The following SLC24A3 variants were observed in gnomAD, a reference collection of about 807,000 sequenced individuals.
The protein encoded by SLC24A3 is solute carrier family 24 member 3, also known as sodium/potassium/calcium exchanger 3.
SLC24A3 carries 28 observed loss-of-function variants against 75.8 expected under a neutral mutation model. That is an observed-to-expected ratio of 0.37 (90% confidence interval 0.27 to 0.51). The LOEUF (loss-of-function observed/expected upper bound fraction) is 0.51. SLC24A3 is among the 20% of genes least tolerant of loss of function. SLC24A3 has a pLI of 0.94. For synonymous variants in SLC24A3, 372 were observed against 334.1 expected (o/e 1.11, Z -1.24); for missense variants, 663 against 847.8 (o/e 0.78, Z 2.71).
At chr20:19,574,406 T>C (rs1244611865) in intron 3 of SLC24A3, among the ~76,000 whole-genome samples, 1 of 152,230 alleles carries the variant, frequency 6.6e-6, no homozygotes, top group African/African-American at 2.4e-5. Flanking sequence ...GCATAACAAA[T>C]GGCCTCACAA....
chr20:19,569,118 C>T (rs1476008891), intron 3 of SLC24A3, among the ~76,000 whole-genome samples: 2 of 152,140 alleles, frequency 1.3e-5, no homozygotes, highest in African/African-American at 4.8e-5. Context: ...ACCTGTCCAG[C>T]GTAATGGGCC....
chr20:19,410,599 G>A (rs1986726307), intron 2 of SLC24A3, among the ~76,000 whole-genome samples: 1 of 152,096 alleles, frequency 6.6e-6, no homozygotes, highest in African/African-American at 2.4e-5. Context: ...AATAAGCGTG[G>A]TTCTCTCGGG....
intron 4 of SLC24A3, among the ~76,000 whole-genome samples, chr20:19,581,635 C>T (rs2031219962): frequency 6.6e-6 from 1 of 152,188 alleles, no homozygotes; most frequent in African/African-American, 2.4e-5. Flanking sequence ...TGTGGTGTGA[C>T]TATGTCTACC....
chr20:19,502,979 A>G (rs1034057502), intron 2 of SLC24A3, among the ~76,000 whole-genome samples: 7 of 149,946 alleles, frequency 4.7e-5, no homozygotes, highest in African/African-American at 1.7e-4. Context: ...GTGAGCCATG[A>G]TAGTGTTACT....
chr20:19,565,066 A>T (rs1469170639), intron 3 of SLC24A3, among the ~76,000 whole-genome samples: 1 of 152,206 alleles, frequency 6.6e-6, no homozygotes, highest in Admixed American at 6.5e-5. Context: ...TTAGTCTTCC[A>T]AAGTGCTGGG....
At chr20:19,546,933 T>A (rs1228457134) in intron 3 of SLC24A3, among the ~76,000 whole-genome samples, 1 of 152,150 alleles carries the variant, frequency 6.6e-6, no homozygotes, top group Non-Finnish European at 1.5e-5. Context: ...CTGCTTCCAT[T>A]TCTTCAGACA....
At chr20:19,383,407 C>A (rs1356386728) in intron 2 of SLC24A3, among the ~76,000 whole-genome samples, 2 of 151,944 alleles carry the variant, frequency 1.3e-5, no homozygotes, top group Admixed American at 6.6e-5. Flanking sequence ...TACCCCCAGG[C>A]AAAAACCGAA....
chr20:19,451,585 A>G (rs780668605), intron 2 of SLC24A3, among the ~76,000 whole-genome samples: 39 of 152,226 alleles, frequency 2.6e-4, no homozygotes, highest in Admixed American at 2.0e-4. Flanking sequence ...GCAAGAGTGA[A>G]TGAATGAAAG....
At chr20:19,529,145 T>C (rs1342953474) in intron 3 of SLC24A3, among the ~76,000 whole-genome samples, 1 of 152,154 alleles carries the variant, frequency 6.6e-6, no homozygotes. Flanking sequence ...TAAATGTACA[T>C]TTGTATGCAT....
chr20:19,214,247 A>G (rs1981490360), intron 1 of SLC24A3, among the ~76,000 whole-genome samples: 1 of 151,496 alleles, frequency 6.6e-6, no homozygotes, highest in Non-Finnish European at 1.5e-5. Flanking sequence ...GCTGTTCAAG[A>G]CTCCACGGCT....
intron 2 of SLC24A3, among the ~76,000 whole-genome samples, chr20:19,436,970 C>T (rs761928131): frequency 2.6e-4 from 39 of 152,024 alleles, no homozygotes; most frequent in African/African-American, 8.5e-4. Context: ...GGTGTACCCA[C>T]GAAAAGAGAG....
chr20:19,684,369 G>T, intron 11 of SLC24A3, 33 bp downstream of exon 11: 1 of 1,593,454 alleles, frequency 6.3e-7, no homozygotes, highest in Non-Finnish European at 8.6e-7. Context: ...CTGCCCACTG[G>T]ACAGGGGTGG....
chr20:19,215,306 G>C (rs1210089441), intron 1 of SLC24A3, among the ~76,000 whole-genome samples: 2 of 152,072 alleles, frequency 1.3e-5, no homozygotes, highest in Non-Finnish European at 2.9e-5. Flanking sequence ...GTGTAGAGAG[G>C]CTGAGTGATT....
chr20:19,649,766 G>A (rs1024443892), intron 6 of SLC24A3, among the ~76,000 whole-genome samples: 3 of 152,176 alleles, frequency 2.0e-5, no homozygotes, highest in African/African-American at 7.2e-5. Context: ...AAGCATTGTA[G>A]TATAGTGTCT....
intron 2 of SLC24A3, among the ~76,000 whole-genome samples, chr20:19,499,770 A>G (rs1396479820): frequency 2.6e-5 from 4 of 152,194 alleles, no homozygotes; most frequent in African/African-American, 9.7e-5. Flanking sequence ...GTACATATGC[A>G]CACACACATA....
At chr20:19,241,069 C>T (rs1256108731) in intron 1 of SLC24A3, among the ~76,000 whole-genome samples, 3 of 152,202 alleles carry the variant, frequency 2.0e-5, no homozygotes, top group African/African-American at 7.2e-5. Context: ...AGATTTAGAT[C>T]CTACTGTTTG....
chr20:19,335,613 T>C (rs1164288929), intron 2 of SLC24A3, among the ~76,000 whole-genome samples: 2 of 152,234 alleles, frequency 1.3e-5, no homozygotes, highest in African/African-American at 4.8e-5. Flanking sequence ...TATTTGAAGA[T>C]AGTAATGGTT....
At chr20:19,424,053 G>A (rs1015338813) in intron 2 of SLC24A3, among the ~76,000 whole-genome samples, 5 of 152,186 alleles carry the variant, frequency 3.3e-5, no homozygotes, top group Non-Finnish European at 5.9e-5. Context: ...ATAGCAGAGC[G>A]AAGAGGAAAG....
chr20:19,700,464 C>A (rs1298982710), intron 15 of SLC24A3, among the ~76,000 whole-genome samples: 3 of 152,160 alleles, frequency 2.0e-5, no homozygotes, highest in South Asian at 4.1e-4. Flanking sequence ...ACATAAGTTA[C>A]ATGTACCCAC....
Sources: gnomAD v4.1 joint callset for allele counts (sites outside exome capture counted in the v4.1 genomes callset) on GRCh38, gnomAD v4.1.1 for gene constraint, MANE v1.5 for transcripts, NCBI Gene and HGNC (gene_info 2026-07-23, HGNC 2026-07-21) for gene names.